The following GPHN variants were observed in gnomAD, a reference collection of about 807,000 sequenced individuals.
GPHN encodes gephyrin.
In GPHN, 17 loss-of-function variants were observed where a neutral mutation model predicts 95.5. The observed-to-expected ratio is 0.18, with a 90% confidence interval of 0.12 to 0.27. The LOEUF (loss-of-function observed/expected upper bound fraction) is 0.27. Ranked by LOEUF, GPHN falls within the 10% of genes least tolerant of loss-of-function variation. GPHN has a pLI of 1.00. For synonymous variants in GPHN, 320 were observed against 322.5 expected (o/e 0.99, Z 0.08); for missense variants, 660 against 978.1 (o/e 0.67, Z 4.34).
At chr14:66,748,469 T>C (rs2058244104) in intron 2 of GPHN, among the ~76,000 whole-genome samples, 2 of 152,082 alleles carry the variant, frequency 1.3e-5, no homozygotes, top group African/African-American at 4.8e-5. Context: ...TCCCCCATTA[T>C]CAACATTCTT....
At chr14:67,661,855 C>A in the GPHN span, among the ~76,000 whole-genome samples, 3 of 152,234 alleles carry the variant, frequency 2.0e-5, no homozygotes, top group South Asian at 6.2e-4. Flanking sequence ...TAATGGCCAG[C>A]TCTTAAAAAC....
In GPHN at chr14:66,938,088, T is replaced by C. The variant is rs184882086; in HGVS notation, c.828+13796T>C. 2.4e-4 allele frequency among the ~76,000 whole-genome samples: 36 copies of C among 152,324 alleles called. No homozygotes were observed. In the East Asian group the frequency reaches 4.4e-3, roughly 19 times the overall value. ...TTTTCTTCAAAGTGGTAGTGATATT[T>C]GATTAGATGACCATCATTCTCAAAT... On this transcript the variant is annotated intron_variant, in intron 8 of 22. Coordinates refer to ENST00000478722, the MANE Select transcript of GPHN (RefSeq NM_020806.5).
At chr14:66,911,897 C>T (rs1295165636) in intron 5 of GPHN, among the ~76,000 whole-genome samples, 1 of 151,916 alleles carries the variant, frequency 6.6e-6, no homozygotes, top group Non-Finnish European at 1.5e-5. Context: ...ATAACCTGTT[C>T]GCTTTTCTTC....
chr14:66,918,253 G>A (rs114935627), intron 6 of GPHN, among the ~76,000 whole-genome samples: 14 of 152,258 alleles, frequency 9.2e-5, no homozygotes, highest in African/African-American at 2.2e-4. Context: ...CCCTTCTGGC[G>A]TCAATCTGTG....
chr14:66,962,713 G>GCT lies in GPHN; in HGVS notation c.829-2467_829-2466dup, dbSNP rs543181979. Among the ~76,000 whole-genome samples the GCT allele has an allele frequency of 5.6e-4, 85 of 150,742 alleles. 1 individual carries two copies. Among genetic ancestry groups the GCT allele is most frequent in the Non-Finnish European group, 1.1e-3 (76 of 67,456 alleles). On this transcript the variant is annotated intron_variant, in intron 8 of 22. Transcript: ENST00000478722. ...AACTGGATGTAATGGCTTCTTTTCA[G>GCT]CTCTCTCTCTCTATTCCTATTCTCT...
chr14:67,112,928 A>T lies in GPHN; in HGVS notation c.1473-90A>T, dbSNP rs2078461265. On this transcript the variant is annotated intron_variant, in intron 15 of 22. Coordinates refer to ENST00000478722, the MANE Select transcript of GPHN (RefSeq NM_020806.5). ...ATTTCTAGACTTTTTTGTCTTCTTG[A>T]ATGTCCTTTTTTGACACTAAAGTTT... 2.6e-6 allele frequency: 3 copies of T among 1,147,770 alleles called. No homozygotes were observed. In the Admixed American group the frequency reaches 5.2e-5, roughly 20 times the overall value. 71.1% of individuals were successfully genotyped at this position (1,147,770 alleles called of 1,614,324 possible). A position where few individuals can be genotyped will look rare whatever the true frequency, so the allele number is the denominator to read the frequency against.
intron 8 of GPHN, among the ~76,000 whole-genome samples, chr14:66,961,925 TATATATATATATATATATATATAC>T (rs1216509473): frequency 2.6e-5 from 2 of 78,342 alleles, no homozygotes; most frequent in Admixed American, 1.5e-4. Flanking sequence ...TATATATATA[TATATATATATATATATATATATAC>T]ACATATCTCC....
chr14:66,650,164 G>C (rs778555130), intron 1 of GPHN, among the ~76,000 whole-genome samples: 1 of 151,838 alleles, frequency 6.6e-6, no homozygotes, highest in Non-Finnish European at 1.5e-5. Flanking sequence ...CATTGCAGTA[G>C]GTGATTTCAC....
chr14:66,860,135 T>G (rs1197921459), intron 4 of GPHN, among the ~76,000 whole-genome samples: 1 of 152,046 alleles, frequency 6.6e-6, no homozygotes, highest in Admixed American at 6.6e-5. Flanking sequence ...TAGATAACAC[T>G]AAGCAGATTT....
chr14:67,595,540 A>T, the GPHN span, among the ~76,000 whole-genome samples: 2 of 152,120 alleles, frequency 1.3e-5, no homozygotes, highest in Non-Finnish European at 2.9e-5. Flanking sequence ...ATTGGTTCCC[A>T]CTCCTTCTGC....
chr14:66,562,258 A>T (rs560834917), intron 1 of GPHN, among the ~76,000 whole-genome samples: 1 of 152,264 alleles, frequency 6.6e-6, no homozygotes, highest in East Asian at 1.9e-4. Context: ...AATTCTGCGG[A>T]TCTATTTCAG....
chr14:66,830,066 C>G (rs1203160319), intron 4 of GPHN, among the ~76,000 whole-genome samples: 2 of 152,134 alleles, frequency 1.3e-5, no homozygotes, highest in African/African-American at 4.8e-5. Flanking sequence ...ATGGCTAAAA[C>G]AGCAGAGTTC....
chr14:67,644,865 G>C, the GPHN span, among the ~76,000 whole-genome samples: 1 of 152,054 alleles, frequency 6.6e-6, no homozygotes, highest in South Asian at 2.1e-4. Context: ...AGGCATGGTG[G>C]CATGTGCCTG....
At chr14:67,710,862 T>G in the GPHN span, among the ~76,000 whole-genome samples, 14,055 of 152,200 alleles carry the variant, frequency 0.092, 900 homozygotes, top group Non-Finnish European at 0.15. Context: ...GTATTTATTC[T>G]ATTACATTTA....
At chr14:66,726,795 G>T (rs910396031) in intron 2 of GPHN, among the ~76,000 whole-genome samples, 6 of 152,100 alleles carry the variant, frequency 3.9e-5, no homozygotes, top group Admixed American at 3.3e-4. Context: ...CTGCCATGAT[G>T]CCACAGGTGA....
chr14:67,541,506 A>G, the GPHN span, among the ~76,000 whole-genome samples: 1,622 of 152,348 alleles, frequency 0.011, 30 homozygotes, highest in African/African-American at 0.037. Context: ...TGTTTAATGG[A>G]TAAGTTTGTT....
the GPHN span, chr14:67,592,073 GAC>G: frequency 5.9e-6 from 1 of 169,602 alleles, no homozygotes; most frequent in East Asian, 1.8e-4. Context: ...GTAGTAGACT[GAC>G]AGAGTCAAAG....
At chr14:67,198,355 T>C in the GPHN span, 2 of 1,566,206 alleles carry the variant, frequency 1.3e-6, no homozygotes, top group South Asian at 1.2e-5. Flanking sequence ...TAAGTTCCAA[T>C]AACTTCAGTA....
At chr14:67,592,342 A>C in the GPHN span, 1 of 438,400 alleles carries the variant, frequency 2.3e-6, no homozygotes, top group South Asian at 2.2e-5. Context: ...CAGGAGGCTG[A>C]GGCAGGAGGA....
Sources: allele counts gnomAD v4.1 joint callset (sites outside exome capture counted in the v4.1 genomes callset), GRCh38; gene constraint gnomAD v4.1.1; transcripts MANE v1.5; gene names NCBI Gene and HGNC (gene_info 2026-07-23, HGNC 2026-07-21).